Variants in CCDC171 observed in about 807,000 individuals in gnomAD.
CCDC171 encodes the protein coiled-coil domain-containing protein 171.
CCDC171 carries 177 observed loss-of-function variants against 168.2 expected under a neutral mutation model. The observed-to-expected ratio is 1.05, with a 90% CI of 0.93 to 1.19. The LOEUF (loss-of-function observed/expected upper bound fraction) is 1.19, where lower values mean the gene tolerates loss of function less well. CCDC171 is among the 50% of genes most tolerant of loss of function. The probability of loss-of-function intolerance (pLI) is 0.00; values close to 1 mark genes in which losing one functional copy is unlikely to be tolerated. For missense variants in CCDC171, 1,991 were observed against 1,539.0 expected (o/e 1.29, Z -4.91); for synonymous variants, 687 against 540.8 (o/e 1.27, Z -3.75).
At chr9:15,672,592 A>G (rs1473713564) in intron 9 of CCDC171, among the ~76,000 whole-genome samples, 1 of 152,176 alleles carries the variant, frequency 6.6e-6, no homozygotes, top group Non-Finnish European at 1.5e-5. Flanking sequence ...TCTGAACACC[A>G]TTTATTAAAT....
At chr9:16,099,898 C>T in the CCDC171 span, among the ~76,000 whole-genome samples, 1 of 152,104 alleles carries the variant, frequency 6.6e-6, no homozygotes, top group East Asian at 1.9e-4. Context: ...TAAAGACATC[C>T]ACCCACCCTC....
chr9:15,930,931 T>G (rs1328359643), intron 25 of CCDC171, among the ~76,000 whole-genome samples: 1 of 151,676 alleles, frequency 6.6e-6, no homozygotes, highest in Non-Finnish European at 1.5e-5. Context: ...AGTGTATCCA[T>G]AATCTCATGC....
intron 21 of CCDC171, among the ~76,000 whole-genome samples, chr9:15,807,916 C>A (rs1588623558): frequency 6.6e-6 from 1 of 151,492 alleles, no homozygotes; most frequent in South Asian, 2.1e-4. Context: ...GATTTTATGG[C>A]TCCTCTCATT....
chr9:16,004,169 T>G (rs1589316414), intron 3 of CCDC171, among the ~76,000 whole-genome samples: 1 of 152,138 alleles, frequency 6.6e-6, no homozygotes, highest in East Asian at 1.9e-4. Context: ...ACCATATCTG[T>G]CCAGTTTGCC....
chr9:15,950,422 G>A (rs9407697), intron 25 of CCDC171, among the ~76,000 whole-genome samples: 12 of 151,946 alleles, frequency 7.9e-5, no homozygotes, highest in Non-Finnish European at 1.2e-4. Flanking sequence ...AACAGCAGAT[G>A]TCTTGGCAGA....
At chr9:15,557,416 T>C (rs2038901349) in intron 1 of CCDC171, among the ~76,000 whole-genome samples, 1 of 152,160 alleles carries the variant, frequency 6.6e-6, no homozygotes. Flanking sequence ...TTTTATTTTG[T>C]TGAGCAGTGG....
chr9:15,590,785 CTT>C (rs34215174), intron 4 of CCDC171, among the ~76,000 whole-genome samples: 2,756 of 61,112 alleles, frequency 0.045, 59 homozygotes, highest in East Asian at 0.11. Context: ...TTCTTTCTTT[CTT>C]TCTTTCTTTC....
downstream of CCDC171, among the ~76,000 whole-genome samples, chr9:15,974,278 G>C (rs1831555980): frequency 6.6e-6 from 1 of 152,082 alleles, no homozygotes; most frequent in Admixed American, 6.6e-5. Flanking sequence ...AGGAGGAGAA[G>C]ATTTAATGAC....
intron 3 of CCDC171, among the ~76,000 whole-genome samples, chr9:16,015,559 G>T (rs561237368): frequency 1.2e-4 from 18 of 152,206 alleles, no homozygotes; most frequent in Non-Finnish European, 2.6e-4. Context: ...TCTGTACTCT[G>T]TCTCAAGTGC....
At chr9:15,835,457 C>T (rs1159591016) in intron 21 of CCDC171, among the ~76,000 whole-genome samples, 19 of 152,110 alleles carry the variant, frequency 1.2e-4, no homozygotes, top group Admixed American at 1.0e-3. Flanking sequence ...GTTGGAGTTT[C>T]GCTTTTGTTG....
the CCDC171 span, among the ~76,000 whole-genome samples, chr9:16,083,849 G>T: frequency 6.6e-6 from 1 of 152,202 alleles, no homozygotes; most frequent in South Asian, 2.1e-4. Flanking sequence ...GTGATTTCAA[G>T]AACTCGCTGA....
intron 25 of CCDC171, among the ~76,000 whole-genome samples, chr9:15,936,010 T>C (rs1827069467): frequency 6.6e-6 from 1 of 152,080 alleles, no homozygotes; most frequent in Non-Finnish European, 1.5e-5. Context: ...GCAATTTAGC[T>C]GTTTGAAAGT....
chr9:15,908,495 G>A (rs1340420448), intron 24 of CCDC171, among the ~76,000 whole-genome samples: 1 of 150,542 alleles, frequency 6.6e-6, no homozygotes, highest in Non-Finnish European at 1.5e-5. Context: ...TCACACACTG[G>A]GGCCTGTTGT....
chr9:15,918,775 A>G (rs1328287), intron 24 of CCDC171, among the ~76,000 whole-genome samples: 110,674 of 151,320 alleles, frequency 0.73, 42,413 homozygotes, highest in East Asian at 0.85. Context: ...ACTTGAACAG[A>G]GTATTATTAA....
intron 8 of CCDC171, among the ~76,000 whole-genome samples, chr9:15,663,225 T>G (rs997261279): frequency 6.6e-6 from 1 of 152,234 alleles, no homozygotes; most frequent in African/African-American, 2.4e-5. Context: ...ATCTGTTATG[T>G]TTGCACAGCG....
intron 21 of CCDC171, among the ~76,000 whole-genome samples, chr9:15,795,867 C>G (rs7860992): frequency 0.5 from 75,531 of 152,034 alleles, 18,912 homozygotes; most frequent in South Asian, 0.54. Context: ...TCCAAGGACT[C>G]TTTAGTTGAG....
At chr9:15,706,933 G>A (rs1412939451) in intron 11 of CCDC171, among the ~76,000 whole-genome samples, 2 of 152,176 alleles carry the variant, frequency 1.3e-5, no homozygotes, top group Non-Finnish European at 2.9e-5. Flanking sequence ...GTGCTCTTGG[G>A]AAAATCAAGA....
chr9:16,073,889 G>T, the CCDC171 span, among the ~76,000 whole-genome samples: 3 of 152,318 alleles, frequency 2.0e-5, no homozygotes, highest in South Asian at 6.2e-4. Context: ...AGAAGGGATT[G>T]GGAAGAGGGC....
chr9:15,559,269 T>G (rs909503669), intron 1 of CCDC171, among the ~76,000 whole-genome samples: 1 of 152,140 alleles, frequency 6.6e-6, no homozygotes, highest in Non-Finnish European at 1.5e-5. Context: ...CAGAGCTGAG[T>G]TCAATTCCTG....
Sources: allele counts gnomAD v4.1 joint callset (sites outside exome capture counted in the v4.1 genomes callset), GRCh38; gene constraint gnomAD v4.1.1; transcripts MANE v1.5; gene names NCBI Gene and HGNC (gene_info 2026-07-23, HGNC 2026-07-21).